CLUH: variants seen among roughly 807,000 people sequenced by gnomAD.
CLUH encodes the protein CLUH binding protein of NUMT mRNA, also known as clustered mitochondria protein homolog.
CLUH carries 77 observed loss-of-function variants against 139.3 expected under a neutral mutation model. The ratio of observed to expected loss-of-function variants is 0.55; its 90% confidence interval spans 0.46 to 0.67. CLUH has a LOEUF of 0.67. CLUH is among the 30% of genes least tolerant of loss of function. CLUH has a pLI of 0.00. For missense variants in CLUH, 1,876 were observed against 1,875.8 expected (o/e 1.00, Z 0.00); for synonymous variants, 999 against 801.6 (o/e 1.25, Z -4.16).
chr17:2,691,526 A>C, intron 25 of CLUH, 83 bp downstream of exon 25: 1 of 1,401,556 alleles, frequency 7.1e-7, no homozygotes, highest in Non-Finnish European at 9.9e-7. Context: ...GCGCCGCCGC[A>C]CTCCAGCCCG....
rs1233702972 is a variant in CLUH, at chr17:2,704,711, G to T, written c.101-147C>A. The T allele has an allele frequency of 5.3e-6, 4 of 757,528 alleles. 1 individual carries two copies. The highest frequency in any genetic ancestry group is 1.8e-5 in the African/African-American group (1 of 56,776). The allele number at this position is 757,528 out of a possible 1,614,324, so 46.9% of individuals were successfully genotyped here. A position where few individuals can be genotyped will look rare whatever the true frequency, so the allele number is the denominator to read the frequency against. ...GCCTCACGGTCGCGCCTCGCCCTCC[G>T]TGCACCTGCAGGCCACTTCCACACC... is the stretch of plus-strand genomic sequence containing the variant. On this transcript the variant is annotated intron_variant, in intron 1 of 25. Coordinates refer to ENST00000651024, the MANE Select transcript of CLUH (RefSeq NM_001366661.1). This position sits in a 1 kb window ranked among gnomAD's most constrained non-coding sequence, Gnocchi z 5.7.
Position 2,690,796 on chromosome 17 carries a change from A to T in CLUH, c.3864-19T>A. 6.8e-7 allele frequency: 1 copy of T among 1,469,814 alleles called. No individual in the cohort carries two copies. The highest frequency in any genetic ancestry group is 1.4e-5 in the South Asian group (1 of 69,794). The allele number at this position is 1,469,814 out of a possible 1,614,324, so 91.0% of individuals were successfully genotyped here. A position where few individuals can be genotyped will look rare whatever the true frequency, so the allele number is the denominator to read the frequency against. ...TTTTTGGCTGAGGATAAGGGTGGGG[A>T]TGGAGGTGGCTCTCAGAGGAGTCCT... is the stretch of plus-strand genomic sequence containing the variant. On this transcript the variant is annotated intron_variant, in intron 25 of 25. Coordinates refer to ENST00000651024, the MANE Select transcript of CLUH (RefSeq NM_001366661.1).
intron 1 of CLUH, among the ~76,000 whole-genome samples, chr17:2,708,869 G>C (rs541330015): frequency 2.3e-4 from 23 of 98,700 alleles, no homozygotes; most frequent in East Asian, 2.1e-3. Flanking sequence ...TCGGGGGGGG[G>C]GGAGCAGAAC....
intron 3 of CLUH, among the ~76,000 whole-genome samples, chr17:2,702,867 C>CT (rs918884495): frequency 2.0e-5 from 3 of 151,870 alleles, no homozygotes; most frequent in African/African-American, 7.3e-5. Flanking sequence ...TCTTGTTGCC[C>CT]ATGCTGGAGT....
intron 1 of CLUH, among the ~76,000 whole-genome samples, chr17:2,705,576 G>C (rs528221357): frequency 6.6e-6 from 1 of 152,074 alleles, no homozygotes; most frequent in East Asian, 1.9e-4. Context: ...CAAGGCCTAG[G>C]AGAAATAAAC....
Position 2,704,550 on chromosome 17 carries a change from T to C in CLUH, c.115A>G (p.Met39Val). The change falls in exon 2 of 26, where the codon ATG (methionine) becomes GTG (valine). Residue 39 changes from methionine (M) to valine (V), a missense_variant. This residue lies in a region of CLUH where 152 missense variants were observed against 136.7 expected (regional missense o/e 1.11). Transcript: ENST00000651024. The surrounding 1 kb of genome is among the most constrained non-coding windows in gnomAD (Gnocchi z 5.7). ...TCTGGGCAGTCCCCGTTTAAGAGCATGACTGATGGCAGCTCTGCGGGTGAC... is the reference window on the plus strand; with the variant it reads ...TCTGGGCAGTCCCCGTTTAAGAGCACGACTGATGGCAGCTCTGCGGGTGAC... ...RPGAAELPSV[M>V]LLNGDCPESL... The C allele has an allele frequency of 2.6e-6, 4 of 1,565,714 alleles. No homozygotes were observed. The highest frequency in any genetic ancestry group is 3.5e-6 in the Non-Finnish European group (4 of 1,155,838).
rs569924096 is a variant in CLUH at position 2,699,039 on chromosome 17, T to C, written c.1267-449A>G. ...TCCAGCCTGGGGGACAGAGTGAGAC[T>C]CCATTTCTAAAAAAGCGCAAACAAA... On this transcript the variant is annotated intron_variant, in intron 9 of 25. Coordinates refer to ENST00000651024, the MANE Select transcript of CLUH (RefSeq NM_001366661.1). Among the ~76,000 whole-genome samples the C allele has an allele frequency of 1.1e-4, 17 of 152,080 alleles. No homozygotes were observed. In the South Asian group the frequency reaches 2.9e-3, roughly 26 times the overall value.
In CLUH at chr17:2,703,372, C is replaced by T; in HGVS notation, c.421G>A (p.Glu141Lys). 1 of 1,613,440 alleles carries T rather than the reference C, an allele frequency of 6.2e-7. No individual in the cohort carries two copies. Among genetic ancestry groups the T allele is most frequent in the Non-Finnish European group, 8.5e-7 (1 of 1,179,758 alleles). Residue 141 changes from glutamate (E) to lysine (K), a missense_variant, in exon 3 of 26, where the codon GAG becomes AAG. Transcript: ENST00000651024. This position sits in a 1 kb window ranked among gnomAD's most constrained non-coding sequence, Gnocchi z 4.2. Reference protein sequence around the residue: ...LDGNVLDHFSELRSVEGLQEG... With the variant: ...LDGNVLDHFSKLRSVEGLQEG... ...TGCAGCCCCTCGACGCTGCGCAGCT[C>T]CGAGAAGTGGTCCAGCACGTTGCCA...
upstream of CLUH, chr17:2,711,894 C>G (rs2070533835): frequency 6.6e-6 from 1 of 152,350 alleles, no homozygotes; most frequent in South Asian, 2.1e-4. Context: ...CCCACGGACG[C>G]GGTGACTTTC....
Sources: gnomAD v4.1 joint callset for allele counts (sites outside exome capture counted in the v4.1 genomes callset) on GRCh38, gnomAD v4.1.1 for gene constraint, gnomAD v4.1.1 regional missense constraint, Gnocchi (gnomAD v3.1) non-coding constraint, MANE v1.5 for transcripts, NCBI Gene and HGNC (gene_info 2026-07-23, HGNC 2026-07-21) for gene names.